Variants in ANKIB1 observed in about 807,000 individuals in gnomAD.
ANKIB1 encodes ankyrin repeat and IBR domain-containing protein 1.
ANKIB1 carries 43 observed loss-of-function variants against 122.1 expected under a neutral mutation model. The ratio of observed to expected loss-of-function variants is 0.35; its 90% CI spans 0.28 to 0.45. The LOEUF (loss-of-function observed/expected upper bound fraction) is 0.45. ANKIB1 is among the 20% of genes least tolerant of loss of function. The pLI is 1.00. For synonymous variants in ANKIB1, 390 were observed against 442.0 expected, an observed-to-expected ratio of 0.88 and a Z score of 1.48; for missense variants, 992 against 1,329.5, an observed-to-expected ratio of 0.75 and a Z score of 3.95.
In ANKIB1 at chr7:92,362,266, A is replaced by T; in HGVS notation, c.1479A>T (p.Pro493=). The change falls in exon 10 of 20, where the codon CCA becomes CCT. Residue 493 remains proline, a synonymous_variant. Coordinates refer to ENST00000265742, the MANE Select transcript of ANKIB1 (RefSeq NM_019004.2). ...NWLQKITEMK[P]EELVGVSEAY... ...TGCAAAAAATAACCGAAATGAAACC[A>T]GAAGAACGTAAGAGGAATTTTAGAT... 1 of 1,586,114 alleles carries T rather than the reference A, an allele frequency of 6.3e-7. No homozygotes were observed.
intron 5 of ANKIB1, among the ~76,000 whole-genome samples, chr7:92,334,788 C>CA (rs1360111380): frequency 6.6e-6 from 1 of 151,840 alleles, no homozygotes; most frequent in Non-Finnish European, 1.5e-5. Context: ...ATATCAATAG[C>CA]TATATGACTA....
chr7:92,392,398 T>TACAAAGAAATTA, intron 17 of ANKIB1, 106 bp downstream of exon 17: 1 of 957,350 alleles, frequency 1.0e-6, no homozygotes, highest in Admixed American at 2.5e-5. Context: ...TCAGCAGTGC[T>TACAAAGAAATTA]GTCTCTTTCT....
intron 1 of ANKIB1, among the ~76,000 whole-genome samples, chr7:92,249,570 A>G (rs1444956031): frequency 1.3e-5 from 2 of 152,122 alleles, no homozygotes; most frequent in South Asian, 4.1e-4. Flanking sequence ...GATACAAAAA[A>G]CTAGCTGGGT....
chr7:92,257,113 C>G lies in ANKIB1; in HGVS notation c.-91+10594C>G, dbSNP rs376478903. 3.0e-4 allele frequency among the ~76,000 whole-genome samples: 46 copies of G among 151,298 alleles called. 1 individual carries two copies. The highest frequency in any genetic ancestry group is 9.5e-4 in the African/African-American group (39 of 41,150). On this transcript the variant is annotated intron_variant, in intron 1 of 19. Coordinates refer to ENST00000265742, the MANE Select transcript of ANKIB1 (RefSeq NM_019004.2). ...TCTGAGACAGTAGAATTGCTTGAAC[C>G]TGAGAGGCGGAGCTTGCAGTGAGCC...
chr7:92,271,226 T>A (rs1466148208), intron 1 of ANKIB1, among the ~76,000 whole-genome samples: 1 of 152,196 alleles, frequency 6.6e-6, no homozygotes, highest in Non-Finnish European at 1.5e-5. Context: ...AAACTACCCT[T>A]TCTCCATTGA....
In ANKIB1 at chr7:92,386,647, A is replaced by G; in HGVS notation, c.1752+4A>G. The G allele has an allele frequency of 1.3e-6, 2 of 1,592,298 alleles. No individual in the cohort carries two copies. The highest frequency in any genetic ancestry group is 1.7e-6 in the Non-Finnish European group (2 of 1,171,126). ...ATCCAAGGAAATGACTGTGGAGGTA[A>G]AGAGAACCAATTAAGCCAAGACATC... On this transcript the variant is annotated splice_donor_region_variant and intron_variant, in intron 12 of 19. Coordinates refer to ENST00000265742, the MANE Select transcript of ANKIB1 (RefSeq NM_019004.2).
In ANKIB1 at chr7:92,317,445, G is replaced by A. The variant is rs115849705; in HGVS notation, c.487-1885G>A. Among the ~76,000 whole-genome samples the A allele has an allele frequency of 2.2e-3, 330 of 152,218 alleles. 1 individual carries two copies. Among genetic ancestry groups the A allele is most frequent in the African/African-American group, 7.4e-3 (306 of 41,532 alleles). On this transcript the variant is annotated intron_variant, in intron 3 of 19. Transcript: ENST00000265742. ...TAGCAGCTGCTAAGACCTTGCCCTC[G>A]GAATCTAGAAGGTGGCTGCCAGAAT... is the stretch of plus-strand genomic sequence containing the variant.
chr7:92,276,779 A>G (rs1317489884), intron 1 of ANKIB1, among the ~76,000 whole-genome samples: 2 of 152,246 alleles, frequency 1.3e-5, no homozygotes, highest in Admixed American at 6.5e-5. Flanking sequence ...CAGGCTTTTC[A>G]GAAGTGTCCT....
chr7:92,263,336 G>A (rs1801602904), intron 1 of ANKIB1, among the ~76,000 whole-genome samples: 1 of 152,196 alleles, frequency 6.6e-6, no homozygotes, highest in South Asian at 2.1e-4. Context: ...TGTTTACACA[G>A]TACAGTTTTA....
rs545543618 is a variant in ANKIB1, at chr7:92,388,910, A to G, written c.1906+869A>G. 4.7e-4 allele frequency among the ~76,000 whole-genome samples: 71 copies of G among 152,320 alleles called. 1 individual carries two copies. The highest frequency in any genetic ancestry group is 1.5e-3 in the African/African-American group (63 of 41,582). On this transcript the variant is annotated intron_variant, in intron 14 of 19. Transcript: ENST00000265742. ...CTTAGACTTCATTAATGATATAACT[A>G]TATTAGGCAATATCAAACTCTTGAA...
chr7:92,344,309 A>G (rs1259593676), intron 6 of ANKIB1, among the ~76,000 whole-genome samples: 1 of 143,664 alleles, frequency 7.0e-6, no homozygotes, highest in Non-Finnish European at 1.5e-5. Flanking sequence ...GATTCAGGTG[A>G]TTCTCCTGCC....
rs986144120 is a variant in ANKIB1, at chr7:92,400,529, T to TA, written c.*1585dup. Reference sequence around the variant, plus strand: ...TTGTACAGGCAAGTCCTGGGCTGGGTAAAAAGTTATATTAATATTGTTATC... The same window carrying TA: ...TTGTACAGGCAAGTCCTGGGCTGGGTAAAAAAGTTATATTAATATTGTTATC... On this transcript the variant is annotated 3_prime_UTR_variant, in exon 20 of 20. Coordinates refer to ENST00000265742, the MANE Select transcript of ANKIB1 (RefSeq NM_019004.2). 26 of 152,214 alleles carry TA rather than the reference T, an allele frequency of 1.7e-4. No individual in the cohort carries two copies. The highest frequency in any genetic ancestry group is 6.3e-4 in the African/African-American group (26 of 41,458). 9.4% of individuals were successfully genotyped at this position (152,214 alleles called of 1,614,324 possible).
chr7:92,321,480 A>G (rs1434752690), intron 4 of ANKIB1, among the ~76,000 whole-genome samples: 1 of 152,186 alleles, frequency 6.6e-6, no homozygotes, highest in African/African-American at 2.4e-5. Context: ...TGTCAATTCC[A>G]TGAAGGCTAG....
At chr7:92,274,872 A>T (rs1272627391) in intron 1 of ANKIB1, among the ~76,000 whole-genome samples, 1 of 152,178 alleles carries the variant, frequency 6.6e-6, no homozygotes, top group African/African-American at 2.4e-5. Context: ...GACTGCAGTG[A>T]GCTGTGATAG....
Position 92,324,220 on chromosome 7 carries a change from G to A in ANKIB1, c.670-3563G>A, listed in dbSNP as rs142592745. ...TAAAGTGGTTTATTTTATGTTATGA[G>A]TTTTACCTGAATTTTTTTAAAATTA... On this transcript the variant is annotated intron_variant, in intron 4 of 19. Coordinates refer to ENST00000265742, the MANE Select transcript of ANKIB1 (RefSeq NM_019004.2). Among the ~76,000 whole-genome samples, 252 of 152,256 alleles carry A rather than the reference G, an allele frequency of 1.7e-3. 1 individual carries two copies. Among genetic ancestry groups the A allele is most frequent in the Non-Finnish European group, 3.1e-3 (209 of 68,012 alleles).
At position 92,287,901 on chromosome 7, in the gene ANKIB1, C is replaced by T. The variant is rs1388165512; in HGVS notation, c.-90-6988C>T. ...ATACAAAAAAATTAGCCAGGCATGG[C>T]GGCGTGCGCCTGTAGTCCCAGCTAC... On this transcript the variant is annotated intron_variant, in intron 1 of 19. Transcript: ENST00000265742. Among the ~76,000 whole-genome samples, 11 of 151,776 alleles carry T rather than the reference C, an allele frequency of 7.2e-5. No homozygotes were observed. In the East Asian group the frequency reaches 1.2e-3, roughly 16 times the overall value.
intron 3 of ANKIB1, among the ~76,000 whole-genome samples, chr7:92,316,744 C>T (rs1802800736): frequency 8.1e-6 from 1 of 123,740 alleles, no homozygotes; most frequent in Non-Finnish European, 1.8e-5. Context: ...ATTTTTTTAA[C>T]CCCCCAATGA....
At chr7:92,278,181 T>G (rs1276101051) in intron 1 of ANKIB1, among the ~76,000 whole-genome samples, 1 of 150,566 alleles carries the variant, frequency 6.6e-6, no homozygotes, top group African/African-American at 2.4e-5. Flanking sequence ...AGCCCAGGAG[T>G]TCAAGGTTTC....
rs1277880942 is a variant in ANKIB1, at chr7:92,400,310, T to G, written c.*1361T>G. The G allele has an allele frequency of 6.6e-6, 1 of 152,246 alleles. No individual in the cohort carries two copies. The highest frequency in any genetic ancestry group is 1.5e-5 in the Non-Finnish European group (1 of 68,036). The allele number at this position is 152,246 out of a possible 1,614,324, so 9.4% of individuals were successfully genotyped here. The stretch of plus-strand genomic sequence containing the variant: ...CAGTGTCTTACTGTGAAGAAAATAC[T>G]GGTCTTAGTTGTAATTAGGATACAA... On this transcript the variant is annotated 3_prime_UTR_variant, in exon 20 of 20. Coordinates refer to ENST00000265742, the MANE Select transcript of ANKIB1 (RefSeq NM_019004.2).
Sources: allele counts gnomAD v4.1 joint callset (sites outside exome capture counted in the v4.1 genomes callset), GRCh38; gene constraint gnomAD v4.1.1; transcripts MANE v1.5; gene names NCBI Gene and HGNC (gene_info 2026-07-23, HGNC 2026-07-21).